The following TOM1L2 variants were observed in gnomAD, a reference collection of about 807,000 sequenced individuals.
TOM1L2 encodes TOM1-like protein 2.
A neutral mutation model predicts 67.9 loss-of-function variants in TOM1L2; 31 were observed. The observed-to-expected ratio is 0.46, with a 90% CI of 0.34 to 0.62. TOM1L2 has a LOEUF of 0.62. Ranked by LOEUF, TOM1L2 falls within the 20% of genes least tolerant of loss-of-function variation. TOM1L2 has a pLI of 0.01. For synonymous variants in TOM1L2, 256 were observed against 254.0 expected (o/e 1.01, Z -0.07); for missense variants, 606 against 663.5 (o/e 0.91, Z 0.95).
chr17:17,865,815 G>A lies in TOM1L2; in HGVS notation c.1084+481C>T, dbSNP rs566379607. ...GCTGGAGTGCAATGATGCGATATCG[G>A]CTCACTGCAACCTCCACCTCCCAGG... On this transcript the variant is annotated intron_variant, in intron 10 of 14. Transcript: ENST00000379504. Among the ~76,000 whole-genome samples, 4 of 148,244 alleles carry A rather than the reference G, an allele frequency of 2.7e-5. No homozygotes were observed. In the South Asian group the frequency reaches 8.5e-4, roughly 32 times the overall value.
At chr17:17,895,992 T>C (rs2038549896) in intron 3 of TOM1L2, among the ~76,000 whole-genome samples, 1 of 152,108 alleles carries the variant, frequency 6.6e-6, no homozygotes, top group African/African-American at 2.4e-5. Flanking sequence ...TCCTCTGGGC[T>C]TGCCAAGGAA....
intron 1 of TOM1L2, among the ~76,000 whole-genome samples, chr17:17,936,481 T>C (rs2040519045): frequency 6.6e-6 from 1 of 152,168 alleles, no homozygotes; most frequent in African/African-American, 2.4e-5. Flanking sequence ...GTAATTCTAT[T>C]TAAAGGAATT....
intron 1 of TOM1L2, among the ~76,000 whole-genome samples, chr17:17,936,657 T>C (rs2040524854): frequency 6.6e-6 from 1 of 152,206 alleles, no homozygotes; most frequent in South Asian, 2.1e-4. Context: ...GGGAATATTA[T>C]GTAGTCATTT....
intron 1 of TOM1L2, among the ~76,000 whole-genome samples, chr17:17,961,890 A>ATAT (rs2041695897): frequency 6.8e-6 from 1 of 146,950 alleles, no homozygotes; most frequent in Non-Finnish European, 1.5e-5. Context: ...AAAAAAAATG[A>ATAT]AAACAGACAT....
intron 1 of TOM1L2, among the ~76,000 whole-genome samples, chr17:17,909,155 C>T (rs754825396): frequency 6.6e-6 from 1 of 152,054 alleles, no homozygotes; most frequent in Non-Finnish European, 1.5e-5. Flanking sequence ...CATTCCAACC[C>T]GGGCGACAGA....
At chr17:17,914,879 T>TA (rs554567745) in intron 1 of TOM1L2, among the ~76,000 whole-genome samples, 16 of 151,858 alleles carry the variant, frequency 1.1e-4, no homozygotes, top group South Asian at 4.2e-4. Flanking sequence ...CTTTTTTAGG[T>TA]AAAAAAAAAT....
chr17:17,877,439 C>T (rs1350194800), intron 7 of TOM1L2, among the ~76,000 whole-genome samples: 1 of 152,110 alleles, frequency 6.6e-6, no homozygotes, highest in African/African-American at 2.4e-5. Context: ...GATGGAGGGT[C>T]CTGGGGACAC....
intron 2 of TOM1L2, 131 bp from the exon 3 acceptor site, chr17:17,898,805 G>A: frequency 1.2e-6 from 1 of 817,552 alleles, no homozygotes; most frequent in Non-Finnish European, 2.0e-6. Context: ...AAAAGACTGG[G>A]AACAAACTGA....
intron 1 of TOM1L2, among the ~76,000 whole-genome samples, chr17:17,927,594 CTAGA>C (rs1213797741): frequency 2.0e-5 from 3 of 151,552 alleles, no homozygotes; most frequent in African/African-American, 7.3e-5. Context: ...AGTTGGATGA[CTAGA>C]TATTTTATGA....
At chr17:17,944,986 C>T (rs1193940781) in intron 1 of TOM1L2, among the ~76,000 whole-genome samples, 1 of 152,184 alleles carries the variant, frequency 6.6e-6, no homozygotes, top group East Asian at 1.9e-4. Context: ...CAGATGCTGC[C>T]CGCACTGCCG....
chr17:17,848,759 G>T (rs1340491523), intron 14 of TOM1L2, 64 bp downstream of exon 14: 5 of 1,576,348 alleles, frequency 3.2e-6, no homozygotes, highest in Non-Finnish European at 4.4e-6. Context: ...GATGGGGGCT[G>T]GCTCCTGTGC....
chr17:17,912,223 A>C (rs77788941), intron 1 of TOM1L2, among the ~76,000 whole-genome samples: 19 of 130,868 alleles, frequency 1.5e-4, no homozygotes, highest in South Asian at 7.4e-4. Flanking sequence ...ACTTCCCAGT[A>C]GGGGCGGCTG....
At chr17:17,861,715 T>C (rs2143709637) in intron 11 of TOM1L2, among the ~76,000 whole-genome samples, 164 bp from the exon 12 acceptor site, 1 of 152,296 alleles carries the variant, frequency 6.6e-6, no homozygotes, top group South Asian at 2.1e-4. Flanking sequence ...AGGGCTCATG[T>C]TGTCTGTCTC....
rs145722244 is a variant in TOM1L2 at position 17,935,981 on chromosome 17, C to T, written c.53-28450G>A. Reference sequence around the variant, plus strand: ...CCTACCCAGTCCATCCTCCACCCAGCAGCTAGTGGCTTTTCTGGAATGCAA... The same window carrying T: ...CCTACCCAGTCCATCCTCCACCCAGTAGCTAGTGGCTTTTCTGGAATGCAA... On this transcript the variant is annotated intron_variant, in intron 1 of 14. Coordinates refer to ENST00000379504, the MANE Select transcript of TOM1L2 (RefSeq NM_001082968.2). 1.5e-3 allele frequency among the ~76,000 whole-genome samples: 227 copies of T among 152,356 alleles called. 1 individual carries two copies. The highest frequency in any genetic ancestry group is 5.3e-3 in the African/African-American group (219 of 41,594).
At chr17:17,903,506 A>G (rs1023010611) in intron 2 of TOM1L2, among the ~76,000 whole-genome samples, 1 of 151,652 alleles carries the variant, frequency 6.6e-6, no homozygotes, top group Non-Finnish European at 1.5e-5. Flanking sequence ...CCAGCTACTC[A>G]GGAGGCTGAG....
At chr17:17,853,252 C>A (rs2036086517) in intron 12 of TOM1L2, among the ~76,000 whole-genome samples, 1 of 152,250 alleles carries the variant, frequency 6.6e-6, no homozygotes, top group African/African-American at 2.4e-5. Context: ...AATAGTCCCA[C>A]ACTAGCGGTT....
intron 1 of TOM1L2, among the ~76,000 whole-genome samples, chr17:17,943,282 A>C (rs2040810442): frequency 6.6e-6 from 1 of 152,036 alleles, no homozygotes. Flanking sequence ...ACTTTAAAAA[A>C]CCCTTTCTTC....
Position 17,902,632 on chromosome 17 carries a change from G to A in TOM1L2, c.138-3958C>T, listed in dbSNP as rs370686384. Among the ~76,000 whole-genome samples the A allele has an allele frequency of 4.0e-4, 61 of 152,366 alleles. 1 individual carries two copies. In the South Asian group the frequency reaches 0.012, roughly 31 times the overall value. ...GGGCTGGACACAGGGCCTGCAGGGC[G>A]TGGCACATGCCAAGTGCTCACAGAC... On this transcript the variant is annotated intron_variant, in intron 2 of 14. Transcript: ENST00000379504.
At chr17:17,873,881 T>C (rs1461520894) in intron 7 of TOM1L2, among the ~76,000 whole-genome samples, 1 of 152,218 alleles carries the variant, frequency 6.6e-6, no homozygotes, top group African/African-American at 2.4e-5. Flanking sequence ...TTTCTCGATT[T>C]TAAACACTGC....
Sources: allele counts gnomAD v4.1 joint callset (sites outside exome capture counted in the v4.1 genomes callset), GRCh38; gene constraint gnomAD v4.1.1; transcripts MANE v1.5; gene names NCBI Gene and HGNC (gene_info 2026-07-23, HGNC 2026-07-21).